CTNNA2: variants seen among roughly 807,000 people sequenced by gnomAD.
CTNNA2 encodes the protein catenin alpha-2.
A neutral mutation model predicts 101.0 loss-of-function variants in CTNNA2; 42 were observed. The observed-to-expected ratio is 0.42, with a 90% CI of 0.32 to 0.54. The LOEUF (loss-of-function observed/expected upper bound fraction) is 0.54. Ranked by LOEUF, CTNNA2 falls within the 20% of genes least tolerant of loss-of-function variation. The pLI is 0.14. For synonymous variants in CTNNA2, 450 were observed against 456.4 expected, an observed-to-expected ratio of 0.99 and a Z score of 0.18; for missense variants, 871 against 1,223.1, an observed-to-expected ratio of 0.71 and a Z score of 4.29.
intron 2 of CTNNA2, among the ~76,000 whole-genome samples, chr2:79,688,612 C>T (rs992318054): frequency 2.0e-5 from 3 of 151,864 alleles, no homozygotes; most frequent in African/African-American, 2.4e-5. Flanking sequence ...CCAAGAATAA[C>T]CAAATCTTAA....
chr2:79,390,728 T>C (rs1207726957), intron 4 of CTNNA2, among the ~76,000 whole-genome samples: 1 of 152,164 alleles, frequency 6.6e-6, no homozygotes, highest in Non-Finnish European at 1.5e-5. Flanking sequence ...TCCACGATGG[T>C]TGTAGCATCC....
At chr2:80,165,340 T>C (rs1425183098) in intron 7 of CTNNA2, among the ~76,000 whole-genome samples, 1 of 152,036 alleles carries the variant, frequency 6.6e-6, no homozygotes, top group Non-Finnish European at 1.5e-5. Flanking sequence ...CTTTCCTCCA[T>C]CTCTTCTATT....
At chr2:79,269,634 C>T (rs921621884) in intron 2 of CTNNA2, among the ~76,000 whole-genome samples, 2 of 152,122 alleles carry the variant, frequency 1.3e-5, no homozygotes, top group African/African-American at 2.4e-5. Flanking sequence ...TGGGTAACTA[C>T]CACTTTGAAG....
chr2:79,354,914 A>G (rs562238717), intron 3 of CTNNA2, among the ~76,000 whole-genome samples: 19 of 152,232 alleles, frequency 1.2e-4, no homozygotes, highest in Non-Finnish European at 2.8e-4. Flanking sequence ...TTAAAGTATG[A>G]TGACTTACCC....
chr2:79,920,667 A>G (rs759623048), intron 7 of CTNNA2, among the ~76,000 whole-genome samples: 1 of 152,216 alleles, frequency 6.6e-6, no homozygotes, highest in Non-Finnish European at 1.5e-5. Context: ...TGCATTAGCT[A>G]AGGTTAACTA....
intron 9 of CTNNA2, among the ~76,000 whole-genome samples, chr2:80,511,279 T>A (rs1307718537): frequency 6.6e-6 from 1 of 152,238 alleles, no homozygotes; most frequent in Non-Finnish European, 1.5e-5. Context: ...ATTAGAGATA[T>A]TTTTCCAGGA....
intron 7 of CTNNA2, among the ~76,000 whole-genome samples, chr2:79,969,618 C>T (rs184331651): frequency 7.9e-4 from 120 of 152,244 alleles, no homozygotes; most frequent in African/African-American, 2.7e-3. Context: ...CTTAAGGAGA[C>T]CACATAGAGA....
chr2:79,887,100 A>G (rs1683937878), intron 6 of CTNNA2, among the ~76,000 whole-genome samples: 1 of 152,134 alleles, frequency 6.6e-6, no homozygotes, highest in African/African-American at 2.4e-5. Flanking sequence ...TACAGGCGTG[A>G]GCCACAGCTC....
chr2:80,018,514 T>C (rs1027332206), intron 7 of CTNNA2, among the ~76,000 whole-genome samples: 4 of 152,126 alleles, frequency 2.6e-5, no homozygotes, highest in East Asian at 1.9e-4. Context: ...CCGTGGCTCA[T>C]GCCTATAATC....
intron 3 of CTNNA2, among the ~76,000 whole-genome samples, chr2:79,828,032 A>G (rs962603243): frequency 1.3e-5 from 2 of 152,184 alleles, no homozygotes; most frequent in African/African-American, 4.8e-5. Context: ...CTTTTCCTTA[A>G]TAATTGCCTT....
intron 1 of CTNNA2, among the ~76,000 whole-genome samples, chr2:79,601,601 A>G (rs1305366389): frequency 6.6e-6 from 1 of 152,242 alleles, no homozygotes; most frequent in Non-Finnish European, 1.5e-5. Flanking sequence ...TCTGGTTGGA[A>G]CAACAGCATT....
At chr2:80,425,637 G>C (rs952033015) in intron 9 of CTNNA2, among the ~76,000 whole-genome samples, 1 of 152,120 alleles carries the variant, frequency 6.6e-6, no homozygotes, top group African/African-American at 2.4e-5. Flanking sequence ...AATCAGTGAT[G>C]ATGGTTTTAG....
intron 2 of CTNNA2, among the ~76,000 whole-genome samples, chr2:79,674,817 A>G (rs978164447): frequency 2.6e-5 from 4 of 152,046 alleles, no homozygotes; most frequent in African/African-American, 9.7e-5. Context: ...AAACAATCCC[A>G]TTTTCCAAAA....
At chr2:80,490,730 C>G (rs1686998388) in intron 9 of CTNNA2, among the ~76,000 whole-genome samples, 1 of 152,068 alleles carries the variant, frequency 6.6e-6, no homozygotes. Flanking sequence ...TTTTAAAGGA[C>G]AGAATGTTTT....
intron 1 of CTNNA2, among the ~76,000 whole-genome samples, chr2:79,549,384 C>T (rs1452892865): frequency 6.6e-6 from 1 of 152,140 alleles, no homozygotes; most frequent in Non-Finnish European, 1.5e-5. Context: ...CTCATCTGGT[C>T]CAATTAACTT....
At chr2:79,271,340 C>T (rs966206927) in intron 2 of CTNNA2, among the ~76,000 whole-genome samples, 1 of 151,936 alleles carries the variant, frequency 6.6e-6, no homozygotes, top group African/African-American at 2.4e-5. Context: ...CCCTGTAATG[C>T]ACACGTGGGT....
rs371819883 is a variant in CTNNA2 at position 79,767,138 on chromosome 2, A to T, written c.298+22556A>T. ...TCAATTATGCAATTAAAAGACTCTA[A>T]TGCATTCTTCAGTATGCCAATTGCA... is the stretch of plus-strand genomic sequence containing the variant. On this transcript the variant is annotated intron_variant, in intron 3 of 18. Coordinates refer to ENST00000402739, the MANE Select transcript of CTNNA2 (RefSeq NM_001282597.3). Among the ~76,000 whole-genome samples the T allele has an allele frequency of 4.6e-5, 7 of 151,884 alleles. No homozygotes were observed. The East Asian group carries it at 5.9e-4, about 13-fold the overall frequency.
intron 4 of CTNNA2, among the ~76,000 whole-genome samples, chr2:79,865,282 C>G (rs1681976517): frequency 6.6e-6 from 1 of 152,100 alleles, no homozygotes; most frequent in African/African-American, 2.4e-5. Flanking sequence ...AATGGCCATA[C>G]CAGAGTATCT....
intron 3 of CTNNA2, among the ~76,000 whole-genome samples, chr2:79,790,459 A>G (rs966711549): frequency 1.3e-5 from 2 of 152,174 alleles, no homozygotes; most frequent in African/African-American, 4.8e-5. Flanking sequence ...TGCCAAAAAG[A>G]GTAGGTGTAG....
Sources: gnomAD v4.1 joint callset for allele counts (sites outside exome capture counted in the v4.1 genomes callset) on GRCh38, gnomAD v4.1.1 for gene constraint, MANE v1.5 for transcripts, NCBI Gene and HGNC (gene_info 2026-07-23, HGNC 2026-07-21) for gene names.